CALM3: variants seen among roughly 807,000 people sequenced by gnomAD.
The protein encoded by CALM3 is calmodulin-3.
CALM3 carries 5 observed loss-of-function variants against 20.1 expected under a neutral mutation model. The ratio of observed to expected loss-of-function variants is 0.25; its 90% CI spans 0.13 to 0.52. The LOEUF is 0.52. CALM3 is among the 20% of genes least tolerant of loss of function. The pLI is 0.96. For synonymous variants in CALM3, 69 were observed against 68.1 expected (o/e 1.01, Z -0.06); for missense variants, 57 against 192.8 (o/e 0.30, Z 4.17).
Position 46,608,394 on chromosome 19 carries a change from G to T in CALM3, c.178+54G>T. ...CTGCTCCTGGTCACCCCGAGTGACT[G>T]CAGGGAGCCTCTCTCAGGGTGATGG... On this transcript the variant is annotated intron_variant, in intron 3 of 5. Coordinates refer to ENST00000291295, the MANE Select transcript of CALM3 (RefSeq NM_005184.4). This position sits in a 1 kb window ranked among gnomAD's most constrained non-coding sequence, Gnocchi z 5.5. 6.2e-7 allele frequency: 1 copy of T among 1,610,556 alleles called. No homozygotes were observed. The highest frequency in any genetic ancestry group is 2.2e-5 in the East Asian group (1 of 44,848).
upstream of CALM3, chr19:46,601,205 G>A (rs1177576706): frequency 1.2e-5 from 4 of 325,758 alleles, no homozygotes; most frequent in East Asian, 6.9e-5. This position sits in a 1 kb window ranked among gnomAD's most constrained non-coding sequence, Gnocchi z 4.2. Context: ...AGGGATCCGT[G>A]GGAGCCGCAG....
In CALM3 at chr19:46,601,421, C is replaced by T; in HGVS notation, c.-14C>T. ...AACCTTGATCCCCGTGCTCCGGACACCCCGGGCCTCGCCATGGTGAGTGAG... is the reference window on the plus strand; with the variant it reads ...AACCTTGATCCCCGTGCTCCGGACATCCCGGGCCTCGCCATGGTGAGTGAG... On this transcript the variant is annotated 5_prime_UTR_variant, in exon 1 of 6. Transcript: ENST00000291295. This position sits in a 1 kb window ranked among gnomAD's most constrained non-coding sequence, Gnocchi z 4.2. The T allele has an allele frequency of 1.3e-6, 2 of 1,505,078 alleles. No homozygotes were observed. The highest frequency in any genetic ancestry group is 1.2e-5 in the South Asian group (1 of 81,836). The allele number at this position is 1,505,078 out of a possible 1,614,324, so 93.2% of individuals were successfully genotyped here.
rs1156823985 is a variant in CALM3, at chr19:46,605,543, C to G, written c.4-284C>G. ...CTCCCGCCCCTGTGGCTCCCACATGCTGAGTTGAGATTGGAAGCCCGTGGG... is the reference window on the plus strand; with the variant it reads ...CTCCCGCCCCTGTGGCTCCCACATGGTGAGTTGAGATTGGAAGCCCGTGGG... On this transcript the variant is annotated intron_variant, in intron 1 of 5. Coordinates refer to ENST00000291295, the MANE Select transcript of CALM3 (RefSeq NM_005184.4). This position sits in a 1 kb window ranked among gnomAD's most constrained non-coding sequence, Gnocchi z 4.1. 1.3e-5 allele frequency among the ~76,000 whole-genome samples: 2 copies of G among 152,366 alleles called. No individual in the cohort carries two copies. The highest frequency in any genetic ancestry group is 4.8e-5 in the African/African-American group (2 of 41,590).
At chr19:46,604,265 T>A (rs1210448527) in intron 1 of CALM3, among the ~76,000 whole-genome samples, 2 of 152,074 alleles carry the variant, frequency 1.3e-5, no homozygotes. Context: ...TTGTCCATGG[T>A]GGGAGGTGGG....
At chr19:46,607,561 C>A (rs568518148) in intron 2 of CALM3, among the ~76,000 whole-genome samples, 1 of 152,314 alleles carries the variant, frequency 6.6e-6, no homozygotes, top group African/African-American at 2.4e-5. Flanking sequence ...GGCAGCCGTC[C>A]CCTCGCTTTC....
intron 2 of CALM3, among the ~76,000 whole-genome samples, chr19:46,607,549 T>C (rs1457463583): frequency 2.0e-5 from 3 of 152,200 alleles, no homozygotes; most frequent in Admixed American, 2.0e-4. Context: ...TCCTCCTGGC[T>C]TGGCAGCCGT....
chr19:46,609,813 T>C lies in CALM3; in HGVS notation c.*660T>C, dbSNP rs1288663976. ...AACACTCACATCCCACTGGCTGCTG[T>C]TCTGAAACCATCTGATTGGCTTTCT... On this transcript the variant is annotated 3_prime_UTR_variant, in exon 6 of 6. Transcript: ENST00000291295. The C allele has an allele frequency of 1.3e-5, 2 of 153,042 alleles. No individual in the cohort carries two copies. The highest frequency in any genetic ancestry group is 2.9e-5 in the Non-Finnish European group (2 of 68,360). 9.5% of individuals were successfully genotyped at this position (153,042 alleles called of 1,614,324 possible). A position where few individuals can be genotyped will look rare whatever the true frequency, so the allele number is the denominator to read the frequency against.
rs1057386435 is a variant in CALM3, at chr19:46,609,570, CAA to C, written c.*418_*419del. On this transcript the variant is annotated 3_prime_UTR_variant, in exon 6 of 6. Transcript: ENST00000291295. The stretch of plus-strand genomic sequence containing the variant: ...CTGTCCCGGGACCTGCTGGGAGGGA[CAA>C]GAGGCCCTCCCCCAGGCAGAAGAGC... 21 of 203,056 alleles carry C rather than the reference CAA, an allele frequency of 1.0e-4. No individual in the cohort carries two copies. Among genetic ancestry groups the C allele is most frequent in the African/African-American group, 4.6e-4 (20 of 43,072 alleles). 12.6% of individuals were successfully genotyped at this position (203,056 alleles called of 1,614,324 possible).
At chr19:46,606,752 T>TA (rs1175376103) in intron 2 of CALM3, among the ~76,000 whole-genome samples, 1 of 152,116 alleles carries the variant, frequency 6.6e-6, no homozygotes, top group African/African-American at 2.4e-5. Flanking sequence ...ATTGTGTAAT[T>TA]ACAGATCCGT....
At chr19:46,602,884 GTGGCGT>G (rs1425748128) in intron 1 of CALM3, among the ~76,000 whole-genome samples, 2 of 152,208 alleles carry the variant, frequency 1.3e-5, no homozygotes. Flanking sequence ...GCAGTACAGT[GTGGCGT>G]CAGTGACAAT....
At chr19:46,603,836 T>C (rs1971684888) in intron 1 of CALM3, among the ~76,000 whole-genome samples, 1 of 152,162 alleles carries the variant, frequency 6.6e-6, no homozygotes, top group Non-Finnish European at 1.5e-5. Context: ...AGCAACCCTG[T>C]GACAGAACTG....
At position 46,608,513 on chromosome 19, in the gene CALM3, G is replaced by A. The variant is rs145596510; in HGVS notation, c.210G>A (p.Leu70=). Residue 70 remains leucine, a synonymous_variant, in exon 4 of 6, where the codon CTG becomes CTA. Coordinates refer to ENST00000291295, the MANE Select transcript of CALM3 (RefSeq NM_005184.4). The surrounding 1 kb of genome is among the most constrained non-coding windows in gnomAD (Gnocchi z 5.5). ...GNGTIDFPEF[L]TMMARKMKDT... ...GGACCATTGACTTCCCGGAGTTCCT[G>A]ACCATGATGGCCAGAAAGATGAAGG... 1.9e-6 allele frequency: 3 copies of A among 1,614,058 alleles called. No homozygotes were observed. The highest frequency in any genetic ancestry group is 2.2e-5 in the East Asian group (1 of 44,890).
chr19:46,605,917 T>C lies in CALM3; in HGVS notation c.34+60T>C, dbSNP rs572190013. On this transcript the variant is annotated intron_variant, in intron 2 of 5. Transcript: ENST00000291295. This position sits in a 1 kb window ranked among gnomAD's most constrained non-coding sequence, Gnocchi z 4.1. ...AAGCCTCCACATCCCCAGCCAAATC[T>C]TAGCCACTGAGGAGTGACATCTGAT... 31 of 1,503,506 alleles carry C rather than the reference T, an allele frequency of 2.1e-5. No individual in the cohort carries two copies. The South Asian group carries it at 3.4e-4, about 16-fold the overall frequency. The allele number at this position is 1,503,506 out of a possible 1,614,324, so 93.1% of individuals were successfully genotyped here.
At chr19:46,602,991 A>T (rs1483089392) in intron 1 of CALM3, among the ~76,000 whole-genome samples, 1 of 152,186 alleles carries the variant, frequency 6.6e-6, no homozygotes, top group East Asian at 1.9e-4. Context: ...CCTGAGGGCC[A>T]CTTGTTCCAT....
At chr19:46,604,965 C>T (rs1001992632) in intron 1 of CALM3, among the ~76,000 whole-genome samples, 3 of 152,020 alleles carry the variant, frequency 2.0e-5, no homozygotes, top group African/African-American at 7.3e-5. Context: ...GAAGCCAGTC[C>T]CCGCATCTCC....
At position 46,609,322 on chromosome 19, in the gene CALM3, T is replaced by G. The variant is rs1249974976; in HGVS notation, c.*169T>G. ...TTGTCCCAAGCTGCATGATTGCTCT[T>G]TCTCCTTCTTCCCTGAGTCTCTCTC... On this transcript the variant is annotated 3_prime_UTR_variant, in exon 6 of 6. Transcript: ENST00000291295. 1.5e-6 allele frequency: 1 copy of G among 678,960 alleles called. No individual in the cohort carries two copies. Among genetic ancestry groups the G allele is most frequent in the African/African-American group, 1.8e-5 (1 of 56,252 alleles). The allele number at this position is 678,960 out of a possible 1,614,324, so 42.1% of individuals were successfully genotyped here. A position where few individuals can be genotyped will look rare whatever the true frequency, so the allele number is the denominator to read the frequency against.
At chr19:46,601,223 G>T (rs537273281), upstream of CALM3, 1 of 279,860 alleles carries the variant, frequency 3.6e-6, no homozygotes, top group East Asian at 1.1e-4. The surrounding 1 kb of genome is among the most constrained non-coding windows in gnomAD (Gnocchi z 4.2). Flanking sequence ...CAGTGCGGCG[G>T]CGCGCGGGCC....
Position 46,601,967 on chromosome 19 carries a change from G to A in CALM3, c.3+530G>A, listed in dbSNP as rs2122214183. Reference sequence around the variant, plus strand: ...CCCGGGCGGGGAGGGGCGACCCCTGGGCTCCTGTGGAGCAGAGGAGAGGGT... The same window carrying A: ...CCCGGGCGGGGAGGGGCGACCCCTGAGCTCCTGTGGAGCAGAGGAGAGGGT... On this transcript the variant is annotated intron_variant, in intron 1 of 5. Coordinates refer to ENST00000291295, the MANE Select transcript of CALM3 (RefSeq NM_005184.4). The surrounding 1 kb of genome is among the most constrained non-coding windows in gnomAD (Gnocchi z 4.2). The A allele has an allele frequency of 1.7e-6, 1 of 599,434 alleles. No individual in the cohort carries two copies. The highest frequency in any genetic ancestry group is 1.8e-5 in the South Asian group (1 of 54,528). 37.1% of individuals were successfully genotyped at this position (599,434 alleles called of 1,614,324 possible).
intron 1 of CALM3, chr19:46,602,009 C>G: frequency 1.0e-6 from 1 of 962,414 alleles, no homozygotes; most frequent in South Asian, 1.5e-5. Flanking sequence ...TGGGCGGTCA[C>G]TTCTACAGAT....
Sources: allele counts gnomAD v4.1 joint callset (sites outside exome capture counted in the v4.1 genomes callset), GRCh38; gene constraint gnomAD v4.1.1; non-coding constraint Gnocchi (gnomAD v3.1); transcripts MANE v1.5; gene names NCBI Gene and HGNC (gene_info 2026-07-23, HGNC 2026-07-21).